Variants in SLC12A3 observed in about 807,000 individuals in gnomAD.
SLC12A3 encodes solute carrier family 12 member 3, also known as Na-Cl cotransporter.
A neutral mutation model predicts 121.0 loss-of-function variants in SLC12A3; 104 were observed. That is an observed-to-expected ratio of 0.86 (90% CI 0.73 to 1.01). SLC12A3 has a LOEUF of 1.01. SLC12A3 is among the 50% of genes least tolerant of loss of function. The pLI, the probability that SLC12A3 is intolerant of heterozygous loss-of-function variation, is 0.00. For synonymous variants in SLC12A3, 536 were observed against 533.4 expected (o/e 1.00, Z -0.07); for missense variants, 1,328 against 1,356.3 (o/e 0.98, Z 0.33).
Position 56,884,178 on chromosome 16 carries a change from T to C in SLC12A3, c.1799T>C (p.Leu600Pro), listed in dbSNP as rs1170595080. The change falls in exon 14 of 26, where the codon CTG becomes CCG. Residue 600 changes from leucine to proline, a missense_variant. Coordinates refer to ENST00000563236, the MANE Select transcript of SLC12A3 (RefSeq NM_001126108.2). ...LIAIGVVLFL[L>P]LYVIYKKPEV... ...GCCATTGGCGTGGTGCTCTTCCTCC[T>C]GCTCTATGTCATCTACAAGAAGCCA... 2 of 1,614,064 alleles carry C rather than the reference T, an allele frequency of 1.2e-6. No homozygotes were observed. Among genetic ancestry groups the C allele is most frequent in the African/African-American group, 2.7e-5 (2 of 74,928 alleles).
intron 25 of SLC12A3, among the ~76,000 whole-genome samples, chr16:56,905,340 A>G (rs1327405475): frequency 7.4e-6 from 1 of 135,488 alleles, no homozygotes; most frequent in Non-Finnish European, 1.6e-5. Flanking sequence ...CTCCGTCTCA[A>G]AAAAAAAAAA....
intron 25 of SLC12A3, among the ~76,000 whole-genome samples, chr16:56,912,909 G>A (rs572639442): frequency 1.3e-5 from 2 of 152,262 alleles, no homozygotes; most frequent in Admixed American, 6.5e-5. Flanking sequence ...TGGGGAGAAC[G>A]TCAAGTGCAA....
At chr16:56,886,584 A>G in intron 16 of SLC12A3, 109 bp downstream of exon 16, 1 of 1,013,936 alleles carries the variant, frequency 9.9e-7, no homozygotes, top group Non-Finnish European at 1.5e-6. Context: ...CAGGAGTTTG[A>G]GACCAGCCTG....
In SLC12A3 at chr16:56,884,148, T is replaced by C. The variant is rs1218869605; in HGVS notation, c.1769T>C (p.Leu590Pro). The change falls in exon 14 of 26, where the codon CTC (leucine) becomes CCC (proline). Residue 590 changes from leucine to proline, a missense_variant. Coordinates refer to ENST00000563236, the MANE Select transcript of SLC12A3 (RefSeq NM_001126108.2). ...TTCCTCCTCACCTGGTGGGCGGCCCTCATCGCCATTGGCGTGGTGCTCTTC... is the reference window on the plus strand; with the variant it reads ...TTCCTCCTCACCTGGTGGGCGGCCCCCATCGCCATTGGCGTGGTGCTCTTC... Reference protein sequence around the residue: ...IMFLLTWWAALIAIGVVLFLL... With the variant: ...IMFLLTWWAAPIAIGVVLFLL... The C allele has an allele frequency of 1.2e-6, 2 of 1,614,166 alleles. No homozygotes were observed.
intron 6 of SLC12A3, 44 bp from the exon 7 acceptor site, chr16:56,872,307 T>A: frequency 7.1e-7 from 1 of 1,407,928 alleles, no homozygotes; most frequent in Non-Finnish European, 1.0e-6. Context: ...CCCAGAGAGG[T>A]AGAACAAAAC....
intron 21 of SLC12A3, among the ~76,000 whole-genome samples, chr16:56,893,979 A>AT (rs1567442472): frequency 1.1e-5 from 1 of 90,442 alleles, no homozygotes; most frequent in Non-Finnish European, 1.9e-5. Flanking sequence ...TATTTTATTT[A>AT]TTTATTTATT....
At position 56,868,296 on chromosome 16, in the gene SLC12A3, G is replaced by A; in HGVS notation, c.430-1G>A. ...GGCCTCTGACCCCCCTGTCCTCCCA[G>A]ATTCGTTGCATGCTCAACATTTGGG... On this transcript the variant is annotated splice_acceptor_variant, in intron 2 of 25. Transcript: ENST00000563236. LOFTEE classifies it high-confidence loss of function. 1 of 1,613,970 alleles carries A rather than the reference G, an allele frequency of 6.2e-7. No individual in the cohort carries two copies.
chr16:56,873,117 G>A (rs2055120624), intron 8 of SLC12A3, among the ~76,000 whole-genome samples: 1 of 152,212 alleles, frequency 6.6e-6, no homozygotes, highest in South Asian at 2.1e-4. Flanking sequence ...TTGCTGGGCT[G>A]ACATCCTCCC....
chr16:56,867,767 C>T (rs1266150618), intron 2 of SLC12A3, among the ~76,000 whole-genome samples: 6 of 152,354 alleles, frequency 3.9e-5, no homozygotes, highest in South Asian at 2.1e-4. Flanking sequence ...GAGCCGGGAA[C>T]GGCCCTGCAA....
At chr16:56,896,519 A>G (rs8063278) in intron 22 of SLC12A3, among the ~76,000 whole-genome samples, 33,574 of 152,122 alleles carry the variant, frequency 0.22, 3,942 homozygotes, top group African/African-American at 0.31. Flanking sequence ...AGGCCAAGGC[A>G]GGGGATTGCT....
At chr16:56,913,084 C>T (rs527553640) in intron 25 of SLC12A3, among the ~76,000 whole-genome samples, 180 bp from the exon 26 acceptor site, 10 of 152,224 alleles carry the variant, frequency 6.6e-5, no homozygotes, top group South Asian at 4.1e-4. Context: ...AAACGCTTCA[C>T]GGCAGAAGGT....
chr16:56,872,585 G>A, intron 7 of SLC12A3, 71 bp from the exon 8 acceptor site: 2 of 1,611,188 alleles, frequency 1.2e-6, no homozygotes, highest in Non-Finnish European at 1.7e-6. Context: ...GGGGCTGCCT[G>A]CCCAGTGGGT....
At chr16:56,886,501 G>T (rs369194880) in intron 16 of SLC12A3, 26 bp downstream of exon 16, 1 of 1,581,274 alleles carries the variant, frequency 6.3e-7, no homozygotes, top group South Asian at 1.1e-5. Context: ...AGGGGCACAG[G>T]GGACCAGGCA....
intron 6 of SLC12A3, among the ~76,000 whole-genome samples, chr16:56,872,103 C>T (rs960625853): frequency 1.8e-4 from 28 of 152,296 alleles, no homozygotes; most frequent in Middle Eastern, 3.4e-3. Flanking sequence ...CCGCCCACCT[C>T]GGCCTCCCAA....
At chr16:56,881,138 T>A (rs2055234750) in intron 12 of SLC12A3, among the ~76,000 whole-genome samples, 1 of 152,194 alleles carries the variant, frequency 6.6e-6, no homozygotes, top group Admixed American at 6.5e-5. Context: ...AGGAGTGGGA[T>A]GGGGGTAGAC....
chr16:56,909,816 G>C (rs2055661602), intron 25 of SLC12A3, among the ~76,000 whole-genome samples: 1 of 152,030 alleles, frequency 6.6e-6, no homozygotes, highest in Non-Finnish European at 1.5e-5. Context: ...AATCTCCCAA[G>C]CCTCGGTGAA....
chr16:56,887,230 T>A, intron 17 of SLC12A3, 137 bp downstream of exon 17: 1 of 1,001,188 alleles, frequency 1.0e-6, no homozygotes, highest in Non-Finnish European at 1.5e-6. Context: ...TTGAGACTTG[T>A]TTTACTTGTC....
intron 25 of SLC12A3, among the ~76,000 whole-genome samples, chr16:56,905,264 G>A (rs1030283920): frequency 1.3e-5 from 2 of 151,316 alleles, no homozygotes; most frequent in Non-Finnish European, 2.9e-5. Context: ...GCTTGAACCT[G>A]GGAGGCAGAG....
intron 25 of SLC12A3, among the ~76,000 whole-genome samples, chr16:56,909,925 A>C (rs1377388119): frequency 6.6e-6 from 1 of 152,232 alleles, no homozygotes. Context: ...TTCACTAATC[A>C]GTGGGTTATC....
Sources: gnomAD v4.1 joint callset for allele counts (sites outside exome capture counted in the v4.1 genomes callset) on GRCh38, gnomAD v4.1.1 for gene constraint, MANE v1.5 for transcripts, NCBI Gene and HGNC (gene_info 2026-07-23, HGNC 2026-07-21) for gene names.